The following NOP9 variants were observed in gnomAD, a reference collection of about 807,000 sequenced individuals.
NOP9 encodes the protein nucleolar protein 9.
In NOP9, 50 loss-of-function variants were observed where a neutral mutation model predicts 63.0. The ratio of observed to expected loss-of-function variants is 0.79; its 90% CI spans 0.63 to 1.00. The LOEUF (loss-of-function observed/expected upper bound fraction) is 1.00. Ranked by LOEUF, NOP9 falls within the 50% of genes least tolerant of loss-of-function variation. The pLI is 0.00. For missense variants in NOP9, 758 were observed against 803.0 expected (o/e 0.94, Z 0.68); for synonymous variants, 343 against 332.8 (o/e 1.03, Z -0.33).
chr14:24,305,709 C>T lies in NOP9; in HGVS notation c.*614C>T. ...TGCATGACGAAGGGTGGAGGAAATT[C>T]CCAGCAACATATGGCCCAGGCCTTG... On this transcript the variant is annotated 3_prime_UTR_variant, in exon 10 of 10. Coordinates refer to ENST00000267425, the MANE Select transcript of NOP9 (RefSeq NM_174913.3). 1 of 1,614,172 alleles carries T rather than the reference C, an allele frequency of 6.2e-7. No homozygotes were observed. The highest frequency in any genetic ancestry group is 8.5e-7 in the Non-Finnish European group (1 of 1,180,022).
At chr14:24,295,604 C>T (rs1030429639), upstream of NOP9, among the ~76,000 whole-genome samples, 2 of 152,184 alleles carry the variant, frequency 1.3e-5, no homozygotes, top group East Asian at 3.9e-4. Flanking sequence ...GGGTCAAAAC[C>T]CTGGCCAGCA....
chr14:24,292,479 C>T, the NOP9 span: 5 of 1,474,222 alleles, frequency 3.4e-6, no homozygotes, highest in Non-Finnish European at 4.6e-6. Context: ...AGTGTGATGC[C>T]TACTCTAGCC....
In NOP9 at chr14:24,307,629, G is replaced by C; in HGVS notation, c.*2534G>C. 8.3e-7 allele frequency: 1 copy of C among 1,208,190 alleles called. No individual in the cohort carries two copies. The highest frequency in any genetic ancestry group is 1.2e-6 in the Non-Finnish European group (1 of 845,434). The allele number at this position is 1,208,190 out of a possible 1,614,324, so 74.8% of individuals were successfully genotyped here. A position where few individuals can be genotyped will look rare whatever the true frequency, so the allele number is the denominator to read the frequency against. The stretch of plus-strand genomic sequence containing the variant: ...AGGGAGGGAGAGATCTAGGTTTATC[G>C]ATTAGGGATGAGGGAGAGACCATGG... On this transcript the variant is annotated 3_prime_UTR_variant, in exon 10 of 10. Coordinates refer to ENST00000267425, the MANE Select transcript of NOP9 (RefSeq NM_174913.3).
In NOP9 at chr14:24,305,487, G is replaced by C. The variant is rs367691190; in HGVS notation, c.*392G>C. On this transcript the variant is annotated 3_prime_UTR_variant, in exon 10 of 10. Transcript: ENST00000267425. ...GGGATGTGAGGCGTTATGCTGAAAGGTTCTGTCACGAGGGGATCAGAGGAC... is the reference window on the plus strand; with the variant it reads ...GGGATGTGAGGCGTTATGCTGAAAGCTTCTGTCACGAGGGGATCAGAGGAC... The C allele has an allele frequency of 2.5e-4, 239 of 955,142 alleles. No individual in the cohort carries two copies. The African/African-American group carries it at 3.4e-3, about 14-fold the overall frequency. The allele number at this position is 955,142 out of a possible 1,614,324, so 59.2% of individuals were successfully genotyped here.
At chr14:24,286,025 C>A in the NOP9 span, among the ~76,000 whole-genome samples, 1 of 152,024 alleles carries the variant, frequency 6.6e-6, no homozygotes, top group African/African-American at 2.4e-5. Flanking sequence ...AAAATCTCTT[C>A]TTCTTTCCCT....
the NOP9 span, among the ~76,000 whole-genome samples, chr14:24,276,951 G>A: frequency 1.3e-5 from 2 of 152,308 alleles, no homozygotes; most frequent in Admixed American, 6.5e-5. Flanking sequence ...GACACAGAAC[G>A]GAGGTAAATG....
At chr14:24,277,033 T>C in the NOP9 span, among the ~76,000 whole-genome samples, 1 of 152,124 alleles carries the variant, frequency 6.6e-6, no homozygotes, top group African/African-American at 2.4e-5. Context: ...TGAATGTCCC[T>C]GTGGCTGTGG....
At chr14:24,277,114 G>A in the NOP9 span, among the ~76,000 whole-genome samples, 1 of 152,174 alleles carries the variant, frequency 6.6e-6, no homozygotes, top group Non-Finnish European at 1.5e-5. Flanking sequence ...GGATTTGGTA[G>A]CAGGTGAGAC....
chr14:24,290,792 T>G, the NOP9 span: 2,043 of 1,591,852 alleles, frequency 1.3e-3, 26 homozygotes, highest in African/African-American at 0.022. Flanking sequence ...GCTGTTTCAC[T>G]GAGACAGGAC....
chr14:24,297,975 T>C (rs780189889), upstream of NOP9, among the ~76,000 whole-genome samples: 26 of 152,210 alleles, frequency 1.7e-4, no homozygotes, highest in Non-Finnish European at 3.2e-4. Context: ...TCTTATAATT[T>C]ACCATATTCA....
the NOP9 span, chr14:24,293,094 A>G: frequency 3.2e-6 from 1 of 313,516 alleles, no homozygotes; most frequent in Non-Finnish European, 5.8e-6. Context: ...TAGTGTCTAC[A>G]TAGAAAAACT....
At chr14:24,296,602 G>A, upstream of NOP9, 1 of 1,614,108 alleles carries the variant, frequency 6.2e-7, no homozygotes, top group Non-Finnish European at 8.5e-7. Flanking sequence ...GAAGGCACAG[G>A]GAGGGTGATG....
chr14:24,305,795 T>C lies in NOP9; in HGVS notation c.*700T>C. 1.2e-6 allele frequency: 2 copies of C among 1,607,960 alleles called. No individual in the cohort carries two copies. The highest frequency in any genetic ancestry group is 1.7e-6 in the Non-Finnish European group (2 of 1,176,794). On this transcript the variant is annotated 3_prime_UTR_variant, in exon 10 of 10. Transcript: ENST00000267425. ...ATGGCAGAGACAAGAGGAAATCAGA[T>C]GATTTGGAAAACTTGGGAGGAAGCC...
chr14:24,277,985 G>A, the NOP9 span, among the ~76,000 whole-genome samples: 10 of 152,314 alleles, frequency 6.6e-5, no homozygotes, highest in South Asian at 2.1e-4. Flanking sequence ...TGCCTGCCAC[G>A]TGTCAGTGAT....
intron 5 of NOP9, among the ~76,000 whole-genome samples, chr14:24,302,779 G>T (rs2041400485): frequency 6.6e-6 from 1 of 152,152 alleles, no homozygotes; most frequent in Non-Finnish European, 1.5e-5. Context: ...GGGCTTCCCT[G>T]TGGTCTCATG....
At chr14:24,304,371 A>T in intron 8 of NOP9, 94 bp downstream of exon 8, 1 of 1,301,114 alleles carries the variant, frequency 7.7e-7, no homozygotes, top group Non-Finnish European at 1.1e-6. Flanking sequence ...CAAAAAGGCT[A>T]TGTAATTCCT....
chr14:24,281,004 G>T, the NOP9 span, among the ~76,000 whole-genome samples: 1 of 152,280 alleles, frequency 6.6e-6, no homozygotes, highest in Non-Finnish European at 1.5e-5. Context: ...AAAGGAGAAT[G>T]CCTGGAACTG....
chr14:24,292,088 G>GT, the NOP9 span: 1 of 1,487,976 alleles, frequency 6.7e-7, no homozygotes, highest in East Asian at 2.3e-5. Context: ...ACCTGCCACA[G>GT]TAAGCACCTG....
At chr14:24,283,338 C>T in the NOP9 span, among the ~76,000 whole-genome samples, 3 of 151,888 alleles carry the variant, frequency 2.0e-5, no homozygotes, top group Non-Finnish European at 4.4e-5. Context: ...GCTGTAATCC[C>T]AGCACTTTGG....
Sources: allele counts gnomAD v4.1 joint callset (sites outside exome capture counted in the v4.1 genomes callset), GRCh38; gene constraint gnomAD v4.1.1; transcripts MANE v1.5; gene names NCBI Gene and HGNC (gene_info 2026-07-23, HGNC 2026-07-21).